Variants in CCNYL1 observed in about 807,000 individuals in gnomAD.
The protein encoded by CCNYL1 is cyclin-Y-like protein 1.
CCNYL1 carries 16 observed loss-of-function variants against 44.2 expected under a neutral mutation model. That is an observed-to-expected ratio of 0.36 (90% confidence interval 0.25 to 0.55). CCNYL1 has a LOEUF of 0.55. Ranked by LOEUF, CCNYL1 falls within the 20% of genes least tolerant of loss-of-function variation. CCNYL1 has a pLI of 0.85. For missense variants in CCNYL1, 348 were observed against 451.8 expected (o/e 0.77, Z 2.08); for synonymous variants, 159 against 163.2 (o/e 0.97, Z 0.20).
Position 207,750,996 on chromosome 2 carries a change from T to C in CCNYL1, c.846T>C (p.Phe282=). 6.2e-7 allele frequency: 1 copy of C among 1,614,022 alleles called. No homozygotes were observed. Among genetic ancestry groups the C allele is most frequent in the Non-Finnish European group, 8.5e-7 (1 of 1,179,894 alleles). ...GGCATTTTCTGGAGCTTCTTCAGTT[T>C]AATATTAATGTTCCTGCCAGTGTTT... The part of the protein sequence containing the change: ...MERHFLELLQ[F]NINVPASVYA... Residue 282 remains phenylalanine, a synonymous_variant, in exon 9 of 10, where the codon TTT becomes TTC. Coordinates refer to ENST00000295414, the MANE Select transcript of CCNYL1 (RefSeq NM_001330218.2).
intron 6 of CCNYL1, among the ~76,000 whole-genome samples, chr2:207,742,007 T>C (rs2091814733): frequency 6.8e-6 from 1 of 147,938 alleles, no homozygotes; most frequent in African/African-American, 2.5e-5. Flanking sequence ...AAAAACTAGC[T>C]GGGCGTGGTG....
chr2:207,741,886 C>G (rs2091813794), intron 6 of CCNYL1, among the ~76,000 whole-genome samples: 1 of 149,374 alleles, frequency 6.7e-6, no homozygotes, highest in African/African-American at 2.5e-5. Context: ...CGTGGTGTCT[C>G]ACGCGTGTAA....
chr2:207,713,140 C>T (rs926754902), intron 1 of CCNYL1, among the ~76,000 whole-genome samples: 2 of 152,168 alleles, frequency 1.3e-5, no homozygotes, highest in Non-Finnish European at 2.9e-5. Context: ...AGTTTAGCCA[C>T]GGAGTTCTGA....
At chr2:207,742,751 C>T (rs1365579553) in intron 7 of CCNYL1, among the ~76,000 whole-genome samples, 1 of 152,138 alleles carries the variant, frequency 6.6e-6, no homozygotes, top group Non-Finnish European at 1.5e-5. Flanking sequence ...CCAGGTATTT[C>T]CGATATGTGT....
At chr2:207,719,978 A>G (rs2091627619) in intron 1 of CCNYL1, among the ~76,000 whole-genome samples, 1 of 152,142 alleles carries the variant, frequency 6.6e-6, no homozygotes, top group African/African-American at 2.4e-5. Context: ...TCACGAGGTC[A>G]GGAGATGGAG....
chr2:207,736,868 A>G (rs1338948987), intron 4 of CCNYL1, among the ~76,000 whole-genome samples: 4 of 152,074 alleles, frequency 2.6e-5, no homozygotes, highest in African/African-American at 9.7e-5. Flanking sequence ...GTAATTATTT[A>G]TATATTATAA....
chr2:207,729,958 C>T (rs927276857), intron 3 of CCNYL1, among the ~76,000 whole-genome samples: 2 of 152,066 alleles, frequency 1.3e-5, no homozygotes, highest in Non-Finnish European at 2.9e-5. Flanking sequence ...TCAAGTTCAC[C>T]CACCTCAGCC....
Position 207,751,148 on chromosome 2 carries a change from T to C in CCNYL1, c.969+29T>C, listed in dbSNP as rs377377336. 1.9e-6 allele frequency: 3 copies of C among 1,590,776 alleles called. No homozygotes were observed. The Admixed American group carries it at 5.3e-5, about 28-fold the overall frequency. Reference sequence around the variant, plus strand: ...AGGCTATGAAGTCACTAAGTGAGGTTTTCCATCAGCCACCAAAGCCAACAT... The same window carrying C: ...AGGCTATGAAGTCACTAAGTGAGGTCTTCCATCAGCCACCAAAGCCAACAT... On this transcript the variant is annotated intron_variant, in intron 9 of 9. Coordinates refer to ENST00000295414, the MANE Select transcript of CCNYL1 (RefSeq NM_001330218.2).
intron 1 of CCNYL1, among the ~76,000 whole-genome samples, chr2:207,714,147 A>G (rs1054809093): frequency 1.3e-5 from 2 of 152,188 alleles, no homozygotes; most frequent in Non-Finnish European, 2.9e-5. Flanking sequence ...TCAGACTGAC[A>G]TGGAGGTGAG....
intron 1 of CCNYL1, 47 bp from the exon 2 acceptor site, chr2:207,724,753 T>G (rs201730087): frequency 5.9e-6 from 8 of 1,358,604 alleles, no homozygotes; most frequent in Non-Finnish European, 7.4e-6. Flanking sequence ...AGAAATCATC[T>G]TTTCTACTCA....
rs5838085 is a variant in CCNYL1, at chr2:207,717,906, C to CTT, written c.220+5804_220+5805dup. Among the ~76,000 whole-genome samples the CTT allele has an allele frequency of 3.2e-3, 439 of 138,798 alleles. 3 individuals carry two copies. The highest frequency in any genetic ancestry group is 7.3e-3 in the Middle Eastern group (2 of 274). The allele number at this position is 138,798 out of a possible 152,430, so 91.1% of individuals were successfully genotyped here. ...TATAGCCTGGGAAATATTTTTAATT[C>CTT]TTTTTTTTTTTTTTTGAGATGGAAT... On this transcript the variant is annotated intron_variant, in intron 1 of 9. Transcript: ENST00000295414.
intron 3 of CCNYL1, among the ~76,000 whole-genome samples, chr2:207,729,282 C>G (rs932769665): frequency 8.3e-6 from 1 of 119,828 alleles, no homozygotes. Flanking sequence ...CCCCCCCCAC[C>G]CCCCCGCACT....
At chr2:207,735,063 AAGATTCAAAGT>A (rs2091754633) in intron 4 of CCNYL1, among the ~76,000 whole-genome samples, 1 of 152,172 alleles carries the variant, frequency 6.6e-6, no homozygotes, top group Non-Finnish European at 1.5e-5. Flanking sequence ...ATGTTTCTAT[AAGATTCAAAGT>A]AGTTTTAAAG....
chr2:207,755,675 C>T lies in CCNYL1; in HGVS notation c.*1977C>T, dbSNP rs2091927061. ...AGCTGTTTTATCATCCTACATGCTA[C>T]CAAGCTGTAGGTGTCCCATTAAGTC... On this transcript the variant is annotated 3_prime_UTR_variant, in exon 10 of 10. Coordinates refer to ENST00000295414, the MANE Select transcript of CCNYL1 (RefSeq NM_001330218.2). The T allele has an allele frequency of 6.6e-6, 1 of 152,180 alleles. No homozygotes were observed. Among genetic ancestry groups the T allele is most frequent in the South Asian group, 2.1e-4 (1 of 4,832 alleles). The allele number at this position is 152,180 out of a possible 1,614,324, so 9.4% of individuals were successfully genotyped here.
At chr2:207,735,588 G>A (rs1244217850) in intron 4 of CCNYL1, among the ~76,000 whole-genome samples, 2 of 152,158 alleles carry the variant, frequency 1.3e-5, no homozygotes, top group African/African-American at 4.8e-5. Context: ...CCCTCAGGCT[G>A]GGCGTGGTGA....
intron 5 of CCNYL1, among the ~76,000 whole-genome samples, chr2:207,738,553 G>A (rs2091782785): frequency 6.6e-6 from 1 of 151,934 alleles, no homozygotes; most frequent in Non-Finnish European, 1.5e-5. Context: ...CACTCCACAA[G>A]TGCTAGTTTC....
chr2:207,730,666 G>T (rs1327399580), intron 3 of CCNYL1, among the ~76,000 whole-genome samples: 1 of 152,174 alleles, frequency 6.6e-6, no homozygotes, highest in African/African-American at 2.4e-5. Context: ...GCTGAGGCAG[G>T]AGAATTGCTT....
chr2:207,725,695 C>T lies in CCNYL1; in HGVS notation c.295+821C>T, dbSNP rs543190132. On this transcript the variant is annotated intron_variant, in intron 2 of 9. Coordinates refer to ENST00000295414, the MANE Select transcript of CCNYL1 (RefSeq NM_001330218.2). ...CATCCTAATGTAGTGTAAATATAAACATGCCCCATGGTGTTTCCCAGAAGG... is the reference window on the plus strand; with the variant it reads ...CATCCTAATGTAGTGTAAATATAAATATGCCCCATGGTGTTTCCCAGAAGG... Among the ~76,000 whole-genome samples the T allele has an allele frequency of 1.4e-4, 21 of 152,290 alleles. No homozygotes were observed. In the South Asian group the frequency reaches 4.1e-3, roughly 30 times the overall value.
In CCNYL1 at chr2:207,742,240, G is replaced by T. The variant is rs933412126; in HGVS notation, c.537G>T (p.Glu179Asp). Reference protein sequence around the residue: ...SHPLTREKVPEEYFKHDPEHK... With the variant: ...SHPLTREKVPDEYFKHDPEHK... ...TCTTTCAGCGAGAAAAAGTTCCAGA[G>T]GAATACTTTAAGCATGATCCTGAGC... The change falls in exon 7 of 10, where the codon GAG becomes GAT. Residue 179 changes from glutamate (E) to aspartate (D), a missense_variant. Physicochemically the swap from Glu to Asp is conservative, Grantham distance 45. Around this residue, in one of 3 missense-constraint regions of CCNYL1, gnomAD observed 209 missense variants for 247.7 expected, o/e 0.84. Coordinates refer to ENST00000295414, the MANE Select transcript of CCNYL1 (RefSeq NM_001330218.2). 4.3e-6 allele frequency: 7 copies of T among 1,609,336 alleles called. No individual in the cohort carries two copies. The highest frequency in any genetic ancestry group is 5.9e-6 in the Non-Finnish European group (7 of 1,178,636).
Sources: gnomAD v4.1 joint callset for allele counts (sites outside exome capture counted in the v4.1 genomes callset) on GRCh38, gnomAD v4.1.1 for gene constraint, gnomAD v4.1.1 regional missense constraint, MANE v1.5 for transcripts, NCBI Gene and HGNC (gene_info 2026-07-23, HGNC 2026-07-21) for gene names.